SEZ6L2: variants seen among roughly 807,000 people sequenced by gnomAD.
SEZ6L2 encodes seizure 6-like protein 2.
SEZ6L2 carries 44 observed loss-of-function variants against 97.0 expected under a neutral mutation model. The observed-to-expected ratio is 0.45, with a 90% CI of 0.36 to 0.58. The LOEUF (loss-of-function observed/expected upper bound fraction) is 0.58. Ranked by LOEUF, SEZ6L2 falls within the 20% of genes least tolerant of loss-of-function variation. SEZ6L2 has a pLI of 0.00. For synonymous variants in SEZ6L2, 543 were observed against 546.1 expected (o/e 0.99, Z 0.08); for missense variants, 1,086 against 1,233.3 (o/e 0.88, Z 1.79).
At position 29,876,202 on chromosome 16, in the gene SEZ6L2, G is replaced by C. The variant is rs540776392; in HGVS notation, c.2104+554C>G. Among the ~76,000 whole-genome samples the C allele has an allele frequency of 1.4e-4, 22 of 152,272 alleles. No homozygotes were observed. Among genetic ancestry groups the C allele is most frequent in the Admixed American group, 1.2e-3 (19 of 15,282 alleles). On this transcript the variant is annotated intron_variant, in intron 12 of 17. Transcript: ENST00000617533. This position sits in a 1 kb window ranked among gnomAD's most constrained non-coding sequence, Gnocchi z 6.5. ...CTCCCAGACTGCGAGCTCCATAAGA[G>C]TATGGAGGGGCTTGAACCCCCTTCG... is the stretch of plus-strand genomic sequence containing the variant.
chr16:29,883,807 T>C (rs2068075728), intron 8 of SEZ6L2, among the ~76,000 whole-genome samples: 1 of 151,906 alleles, frequency 6.6e-6, no homozygotes, highest in African/African-American at 2.4e-5. Context: ...TGCCGAACGC[T>C]TGTGGTCCCA....
chr16:29,887,768 G>GGT lies in SEZ6L2; in HGVS notation c.1088_1089insAC (p.Glu365GlnfsTer7), dbSNP rs2068178740. 6.2e-7 allele frequency: 1 copy of GGT among 1,613,804 alleles called. No individual in the cohort carries two copies. The highest frequency in any genetic ancestry group is 1.7e-5 in the Admixed American group (1 of 59,962). ...GCCCTACGGCTCCCCCAGGCTCTGGGGACACGATGCGGCCCAGGGTGGCAT... is the reference window on the plus strand; with the variant it reads ...GCCCTACGGCTCCCCCAGGCTCTGGGGTGACACGATGCGGCCCAGGGTGGCAT... On this transcript the variant is annotated frameshift_variant, in exon 7 of 18. Coordinates refer to ENST00000617533, the MANE Select transcript of SEZ6L2 (RefSeq NM_001243332.2). LOFTEE classifies it high-confidence loss of function.
At chr16:29,883,901 C>T (rs1266657726) in intron 8 of SEZ6L2, among the ~76,000 whole-genome samples, 2 of 151,950 alleles carry the variant, frequency 1.3e-5, no homozygotes, top group Non-Finnish European at 2.9e-5. Flanking sequence ...CACCGCACTA[C>T]GGCCTGGGCG....
rs760163491 is a variant in SEZ6L2 at position 29,876,626 on chromosome 16, A to G, written c.2104+130T>C. The G allele has an allele frequency of 9.4e-5, 78 of 828,180 alleles. No individual in the cohort carries two copies. The highest frequency in any genetic ancestry group is 3.7e-4 in the Middle Eastern group (1 of 2,672). The allele number at this position is 828,180 out of a possible 1,614,324, so 51.3% of individuals were successfully genotyped here. On this transcript the variant is annotated intron_variant, in intron 12 of 17. Transcript: ENST00000617533. The surrounding 1 kb of genome is among the most constrained non-coding windows in gnomAD (Gnocchi z 6.5). ...TAAAGGGCATGGGGGCAGGCCTTGA[A>G]GAAGATCCAGGAAGGACCCCGAGCG...
At chr16:29,877,639 C>T (rs533840863) in intron 10 of SEZ6L2, among the ~76,000 whole-genome samples, 172 bp from the exon 11 acceptor site, 5 of 152,214 alleles carry the variant, frequency 3.3e-5, no homozygotes, top group Admixed American at 1.3e-4. Flanking sequence ...ATGGTTTCTC[C>T]TATGCTAGTG....
chr16:29,874,240 G>T (rs955376136), intron 12 of SEZ6L2, among the ~76,000 whole-genome samples: 2 of 152,108 alleles, frequency 1.3e-5, no homozygotes, highest in African/African-American at 4.8e-5. Flanking sequence ...CCCCTATCCT[G>T]GGGTGAAATT....
chr16:29,881,929 C>CT (rs71143761), intron 8 of SEZ6L2, among the ~76,000 whole-genome samples: 11,968 of 109,926 alleles, frequency 0.11, 1,384 homozygotes, highest in East Asian at 0.35. Context: ...CATACCCGGC[C>CT]TTTTTTTTTT....
Position 29,886,063 on chromosome 16 carries a change from T to C in SEZ6L2, c.1209-314A>G, listed in dbSNP as rs2068133823. On this transcript the variant is annotated intron_variant, in intron 7 of 17. Coordinates refer to ENST00000617533, the MANE Select transcript of SEZ6L2 (RefSeq NM_001243332.2). ...GCTAGGTAAAGGATGATAATGATGATGAAGATAGCAGATGCTTGACCAGGC... is the reference window on the plus strand; with the variant it reads ...GCTAGGTAAAGGATGATAATGATGACGAAGATAGCAGATGCTTGACCAGGC... 3 of 217,434 alleles carry C rather than the reference T, an allele frequency of 1.4e-5. No homozygotes were observed. The East Asian group carries it at 3.1e-4, about 23-fold the overall frequency. The allele number at this position is 217,434 out of a possible 1,614,324, so 13.5% of individuals were successfully genotyped here. A position where few individuals can be genotyped will look rare whatever the true frequency, so the allele number is the denominator to read the frequency against.
intron 7 of SEZ6L2, among the ~76,000 whole-genome samples, chr16:29,887,206 A>G (rs912928211): frequency 2.0e-5 from 3 of 147,772 alleles, no homozygotes; most frequent in Non-Finnish European, 4.5e-5. Context: ...AAAAAAAAAA[A>G]GGCTTAGGAC....
chr16:29,897,351 C>T (rs1406140794), intron 2 of SEZ6L2, among the ~76,000 whole-genome samples: 2 of 151,522 alleles, frequency 1.3e-5, no homozygotes, highest in Non-Finnish European at 2.9e-5. Context: ...TCCACCCAGC[C>T]CCTTCCACCC....
At chr16:29,889,614 CTTTTTTTTTTT>C (rs869108927) in intron 5 of SEZ6L2, among the ~76,000 whole-genome samples, 960 of 70,516 alleles carry the variant, frequency 0.014, 9 homozygotes, top group African/African-American at 0.036. Context: ...CTTGAAACTT[CTTTTTTTTTTT>C]TTTTTTTTTT....
At position 29,879,928 on chromosome 16, in the gene SEZ6L2, G is replaced by A. The variant is rs1403269027; in HGVS notation, c.1509C>T (p.Pro503=). ...PGYALEPPGP[P]NAIECVDPTE... is the part of the protein sequence containing the mutation. ...TGGGATCCACACATTCGATGGCATTGGGGGGCCCAGGGGGCTCCAGGGCAT... is the reference window on the plus strand; with the variant it reads ...TGGGATCCACACATTCGATGGCATTAGGGGGCCCAGGGGGCTCCAGGGCAT... The change falls in exon 9 of 18, where the codon CCC becomes CCT. Residue 503 remains proline, a synonymous_variant. Transcript: ENST00000617533. 5 of 1,613,980 alleles carry A rather than the reference G, an allele frequency of 3.1e-6. No individual in the cohort carries two copies. The highest frequency in any genetic ancestry group is 2.2e-5 in the South Asian group (2 of 91,070).
chr16:29,899,115 T>G lies in SEZ6L2; in HGVS notation c.-96A>C. 1.1e-5 allele frequency: 7 copies of G among 627,914 alleles called. No homozygotes were observed. The highest frequency in any genetic ancestry group is 4.0e-5 in the East Asian group (1 of 24,816). The allele number at this position is 627,914 out of a possible 1,614,324, so 38.9% of individuals were successfully genotyped here. Reference sequence around the variant, plus strand: ...GTTTATCTTTCCCTTTAATTGTTTTTTTTTTTTTTTTTTTTTTCCTCGTAG... The same window carrying G: ...GTTTATCTTTCCCTTTAATTGTTTTGTTTTTTTTTTTTTTTTTCCTCGTAG... On this transcript the variant is annotated 5_prime_UTR_variant, in exon 1 of 18. Transcript: ENST00000617533.
At chr16:29,888,050 G>A (rs1334195691) in intron 6 of SEZ6L2, among the ~76,000 whole-genome samples, 3 of 152,136 alleles carry the variant, frequency 2.0e-5, no homozygotes, top group African/African-American at 7.2e-5. Flanking sequence ...TCCTAGGATG[G>A]AGACACCACT....
chr16:29,891,823 G>A (rs895395029), intron 5 of SEZ6L2, among the ~76,000 whole-genome samples: 1 of 152,078 alleles, frequency 6.6e-6, no homozygotes, highest in Non-Finnish European at 1.5e-5. Flanking sequence ...CCTATTAACG[G>A]CAATAATAAT....
rs377380736 is a variant in SEZ6L2 at position 29,872,171 on chromosome 16, C to A, written c.2742+16G>T. 9 of 1,568,402 alleles carry A rather than the reference C, an allele frequency of 5.7e-6. No homozygotes were observed. The African/African-American group carries it at 1.1e-4, about 19-fold the overall frequency. On this transcript the variant is annotated intron_variant, in intron 17 of 17. Transcript: ENST00000617533. ...GAGCCAAGTGGTGGCTCTTCAGGGGCAGGCAAGGTGCTTACCCCAGCTTCA... is the reference window on the plus strand; with the variant it reads ...GAGCCAAGTGGTGGCTCTTCAGGGGAAGGCAAGGTGCTTACCCCAGCTTCA...
chr16:29,897,358 A>C, intron 2 of SEZ6L2, among the ~76,000 whole-genome samples: 1 of 128,286 alleles, frequency 7.8e-6, no homozygotes, highest in South Asian at 2.5e-4. Flanking sequence ...AGCCCCTTCC[A>C]CCCTGATACT....
intron 3 of SEZ6L2, among the ~76,000 whole-genome samples, chr16:29,896,346 C>A (rs2068388803): frequency 6.6e-6 from 1 of 152,112 alleles, no homozygotes; most frequent in African/African-American, 2.4e-5. Flanking sequence ...ATGGCTGGAT[C>A]TCAGCTCACC....
At chr16:29,892,818 C>A (rs933749250) in intron 5 of SEZ6L2, among the ~76,000 whole-genome samples, 1 of 152,212 alleles carries the variant, frequency 6.6e-6, no homozygotes, top group African/African-American at 2.4e-5. Context: ...CTGGCTGGGC[C>A]CCTTTCCTCA....
Sources: allele counts gnomAD v4.1 joint callset (sites outside exome capture counted in the v4.1 genomes callset), GRCh38; gene constraint gnomAD v4.1.1; non-coding constraint Gnocchi (gnomAD v3.1); transcripts MANE v1.5; gene names NCBI Gene and HGNC (gene_info 2026-07-23, HGNC 2026-07-21).